The following ASPH variants were observed in gnomAD, a reference collection of about 807,000 sequenced individuals.
The protein encoded by ASPH is aspartyl/asparaginyl beta-hydroxylase.
In ASPH, 100 loss-of-function variants were observed where a neutral mutation model predicts 118.4. That is an observed-to-expected ratio of 0.84 (90% CI 0.72 to 1.00). The LOEUF is 1.00. ASPH is among the 50% of genes least tolerant of loss of function. The probability of loss-of-function intolerance (pLI) is 0.00; values close to 1 mark genes in which losing one functional copy is unlikely to be tolerated. For synonymous variants in ASPH, 315 were observed against 325.6 expected (o/e 0.97, Z 0.35); for missense variants, 920 against 919.5 (o/e 1.00, Z -0.01).
chr8:61,675,197 A>T (rs1028982795), intron 3 of ASPH: 1 of 610,240 alleles, frequency 1.6e-6, no homozygotes, highest in Non-Finnish European at 2.1e-6. Context: ...ATCACATTAC[A>T]TCTAAGCCAA....
chr8:61,510,417 A>C (rs113137920), intron 24 of ASPH, among the ~76,000 whole-genome samples: 6,453 of 152,244 alleles, frequency 0.042, 286 homozygotes, highest in African/African-American at 0.11. Flanking sequence ...CATTACTATA[A>C]ATAGTCACTG....
At chr8:61,691,534 C>T (rs1832642585) in intron 1 of ASPH, among the ~76,000 whole-genome samples, 1 of 152,212 alleles carries the variant, frequency 6.6e-6, no homozygotes, top group Non-Finnish European at 1.5e-5. Flanking sequence ...GACAAATATT[C>T]TGGAAGCTTC....
In ASPH at chr8:61,647,856, T is replaced by G. The variant is rs893719552; in HGVS notation, c.491-978A>C. 7.9e-5 allele frequency among the ~76,000 whole-genome samples: 12 copies of G among 152,356 alleles called. 1 individual carries two copies. The highest frequency in any genetic ancestry group is 2.9e-4 in the African/African-American group (12 of 41,576). ...TGATATATTGAACTGCTCTGCTTCT[T>G]TTGTGTAGAGGTTGGACATGTTGCA... On this transcript the variant is annotated intron_variant, in intron 5 of 24. Transcript: ENST00000379454.
chr8:61,640,137 G>T (rs1804434438), intron 10 of ASPH, among the ~76,000 whole-genome samples: 2 of 152,266 alleles, frequency 1.3e-5, no homozygotes, highest in South Asian at 4.1e-4. Flanking sequence ...ATCTCACATG[G>T]TTCTCAGTAG....
At chr8:61,505,223 C>T (rs1192577624) in intron 24 of ASPH, among the ~76,000 whole-genome samples, 5 of 152,264 alleles carry the variant, frequency 3.3e-5, no homozygotes, top group South Asian at 2.1e-4. Context: ...CAGCTGGATG[C>T]GGTGGCTCAC....
At chr8:61,570,402 C>T (rs1162935841) in intron 16 of ASPH, among the ~76,000 whole-genome samples, 1 of 152,118 alleles carries the variant, frequency 6.6e-6, no homozygotes, top group Non-Finnish European at 1.5e-5. Context: ...CAAAAAGATC[C>T]TGGAACTGGA....
chr8:61,675,106 A>G (rs910278608), intron 3 of ASPH, among the ~76,000 whole-genome samples: 1 of 152,214 alleles, frequency 6.6e-6, no homozygotes, highest in African/African-American at 2.4e-5. Flanking sequence ...ATTGATTCAA[A>G]TATGTTTTTA....
At chr8:61,547,554 T>C (rs565180789) in intron 21 of ASPH, among the ~76,000 whole-genome samples, 1 of 152,330 alleles carries the variant, frequency 6.6e-6, no homozygotes, top group East Asian at 1.9e-4. Flanking sequence ...CTCTAACAGG[T>C]ACATGTGTGA....
intron 3 of ASPH, 107 bp from the exon 4 acceptor site, chr8:61,653,767 T>A: frequency 1.8e-6 from 2 of 1,136,738 alleles, no homozygotes; most frequent in Non-Finnish European, 2.4e-6. Flanking sequence ...GTGCTGCTAA[T>A]TAATAGTTTC....
intron 13 of ASPH, chr8:61,631,560 G>C (rs1855604410): frequency 6.6e-6 from 1 of 152,122 alleles, no homozygotes; most frequent in Non-Finnish European, 1.5e-5. Flanking sequence ...ATGTGTAGTA[G>C]GCTACTCTAT....
At chr8:61,665,385 T>G (rs1371859511) in intron 3 of ASPH, 1 of 1,613,812 alleles carries the variant, frequency 6.2e-7, no homozygotes, top group Non-Finnish European at 8.5e-7. Flanking sequence ...GATTTTTTCC[T>G]ATTTTCCTTG....
chr8:61,637,850 T>TG (rs1858546546), intron 12 of ASPH, 97 bp downstream of exon 12: 1 of 1,217,488 alleles, frequency 8.2e-7, no homozygotes, highest in African/African-American at 1.5e-5. Flanking sequence ...TCCTATGCAC[T>TG]GTATAGACAG....
In ASPH at chr8:61,618,962, T is replaced by C. The variant is rs367628701; in HGVS notation, c.976+16A>G. The C allele has an allele frequency of 2.5e-6, 4 of 1,590,884 alleles. No homozygotes were observed. The highest frequency in any genetic ancestry group is 3.4e-6 in the Non-Finnish European group (4 of 1,160,900). On this transcript the variant is annotated intron_variant, in intron 14 of 24. Coordinates refer to ENST00000379454, the MANE Select transcript of ASPH (RefSeq NM_004318.4). Reference sequence around the variant, plus strand: ...CCCCATGTATATTTTAAAGGCTGTTTATTTGACAATCTCACCTTTTGCTTT... The same window carrying C: ...CCCCATGTATATTTTAAAGGCTGTTCATTTGACAATCTCACCTTTTGCTTT...
chr8:61,633,680 T>C lies in ASPH; in HGVS notation c.934+3A>G, dbSNP rs1323242836. 4.4e-6 allele frequency: 7 copies of C among 1,596,808 alleles called. No homozygotes were observed. The highest frequency in any genetic ancestry group is 3.5e-5 in the Admixed American group (2 of 57,908). On this transcript the variant is annotated splice_donor_region_variant and intron_variant, in intron 13 of 24. Coordinates refer to ENST00000379454, the MANE Select transcript of ASPH (RefSeq NM_004318.4). ...GGAAAATACAACATACAAAATGTCA[T>C]ACCTGGTGGTACTTCCTGCTGTTCT...
chr8:61,582,799 A>G (rs1837997017), intron 15 of ASPH, among the ~76,000 whole-genome samples: 3 of 152,318 alleles, frequency 2.0e-5, no homozygotes, highest in Admixed American at 1.3e-4. Context: ...ATTGCAGCCA[A>G]TGTCTACTGA....
At chr8:61,652,633 T>C (rs115913128) in intron 4 of ASPH, among the ~76,000 whole-genome samples, 1 of 151,956 alleles carries the variant, frequency 6.6e-6, no homozygotes. Context: ...AAAAAAGAAA[T>C]GTGGGGGTCA....
chr8:61,689,657 A>C, intron 1 of ASPH: 1 of 1,584,994 alleles, frequency 6.3e-7, no homozygotes, highest in South Asian at 1.1e-5. Context: ...TTTTAGCCTA[A>C]ATAACAAAAA....
At chr8:61,673,043 G>C (rs1192101476) in intron 3 of ASPH, among the ~76,000 whole-genome samples, 1 of 152,120 alleles carries the variant, frequency 6.6e-6, no homozygotes, top group African/African-American at 2.4e-5. Context: ...CAAACATCAA[G>C]GTAGACAATC....
rs191307838 is a variant in ASPH, at chr8:61,702,074, G to A, written c.103+12195C>T. ...GTTTGAAACTTCAAAGACAGAAAAC[G>A]TTTTAGAAAATATAACTTACTCAAA... On this transcript the variant is annotated intron_variant, in intron 1 of 24. Coordinates refer to ENST00000379454, the MANE Select transcript of ASPH (RefSeq NM_004318.4). 5.3e-5 allele frequency among the ~76,000 whole-genome samples: 8 copies of A among 152,108 alleles called. No homozygotes were observed. The East Asian group carries it at 1.4e-3, about 26-fold the overall frequency.
Sources: allele counts gnomAD v4.1 joint callset (sites outside exome capture counted in the v4.1 genomes callset), GRCh38; gene constraint gnomAD v4.1.1; transcripts MANE v1.5; gene names NCBI Gene and HGNC (gene_info 2026-07-23, HGNC 2026-07-21).